The following GRIA1 variants were observed in gnomAD, a reference collection of about 807,000 sequenced individuals.
The protein encoded by GRIA1 is glutamate receptor 1.
In GRIA1, 31 loss-of-function variants were observed where a neutral mutation model predicts 99.2. The ratio of observed to expected loss-of-function variants is 0.31; its 90% CI spans 0.23 to 0.42. The LOEUF is 0.42. Among genes scored for constraint, GRIA1 ranks in the 10% least tolerant of loss-of-function variants. GRIA1 has a pLI of 1.00. For synonymous variants in GRIA1, 438 were observed against 432.4 expected, an observed-to-expected ratio of 1.01 and a Z score of -0.16; for missense variants, 782 against 1,157.5, an observed-to-expected ratio of 0.68 and a Z score of 4.71.
At chr5:153,711,324 C>T (rs1759304398) in intron 11 of GRIA1, among the ~76,000 whole-genome samples, 2 of 152,130 alleles carry the variant, frequency 1.3e-5, no homozygotes, top group Non-Finnish European at 2.9e-5. Context: ...CTCTCATAGC[C>T]ATCCTGAGGA....
intron 11 of GRIA1, among the ~76,000 whole-genome samples, chr5:153,747,241 G>A (rs1036894765): frequency 9.2e-5 from 14 of 152,154 alleles, no homozygotes; most frequent in East Asian, 3.9e-4. Flanking sequence ...GAGGAGCAGC[G>A]TGTCACATGG....
chr5:153,528,418 G>A (rs943176040), intron 2 of GRIA1, among the ~76,000 whole-genome samples: 35 of 152,198 alleles, frequency 2.3e-4, no homozygotes, highest in African/African-American at 8.4e-4. Flanking sequence ...TCACTTTTAA[G>A]GGTACAGGCT....
chr5:153,505,163 C>T (rs1755375068), intron 2 of GRIA1, among the ~76,000 whole-genome samples: 1 of 152,174 alleles, frequency 6.6e-6, no homozygotes, highest in South Asian at 2.1e-4. Flanking sequence ...CATGGATTTA[C>T]AGGGGACTGA....
chr5:153,678,759 G>A (rs540226214), intron 7 of GRIA1, among the ~76,000 whole-genome samples: 2 of 152,328 alleles, frequency 1.3e-5, no homozygotes, highest in East Asian at 3.9e-4. Context: ...CCATGACAGT[G>A]ATGAAGCCTG....
chr5:153,770,937 C>A (rs895677806), intron 13 of GRIA1, among the ~76,000 whole-genome samples: 1 of 152,178 alleles, frequency 6.6e-6, no homozygotes. Flanking sequence ...AATTATAGCA[C>A]CTATTCTTAC....
rs761151201 is a variant in GRIA1 at position 153,746,406 on chromosome 5, C to T, written c.1824-18028C>T. Among the ~76,000 whole-genome samples, 10 of 152,092 alleles carry T rather than the reference C, an allele frequency of 6.6e-5. No homozygotes were observed. In the East Asian group the frequency reaches 9.6e-4, roughly 15 times the overall value. ...TGTGCCTTGTGCTGGAGTTAACAAA[C>T]GTTAATTAAAGCAGAAGTGCATATT... On this transcript the variant is annotated intron_variant, in intron 11 of 15. Transcript: ENST00000285900.
At chr5:153,566,607 C>T (rs1392864689) in intron 2 of GRIA1, among the ~76,000 whole-genome samples, 1 of 149,994 alleles carries the variant, frequency 6.7e-6, no homozygotes, top group Non-Finnish European at 1.5e-5. Flanking sequence ...TGCCCAGCCT[C>T]TTGTCCATTT....
At chr5:153,537,312 C>G (rs1159404895) in intron 2 of GRIA1, among the ~76,000 whole-genome samples, 1 of 152,206 alleles carries the variant, frequency 6.6e-6, no homozygotes, top group Non-Finnish European at 1.5e-5. Context: ...AGACCAGACC[C>G]TGCACATCAA....
intron 7 of GRIA1, among the ~76,000 whole-genome samples, chr5:153,683,941 C>T (rs1397120667): frequency 6.6e-6 from 1 of 152,168 alleles, no homozygotes; most frequent in Non-Finnish European, 1.5e-5. Flanking sequence ...GCAGCAATAG[C>T]AGAAAGCAGG....
chr5:153,682,367 T>C (rs1561763055), intron 7 of GRIA1, among the ~76,000 whole-genome samples: 1 of 152,206 alleles, frequency 6.6e-6, no homozygotes, highest in Non-Finnish European at 1.5e-5. Context: ...GCAGTCACTG[T>C]TGACACCTGA....
chr5:153,768,391 A>G (rs948167219), intron 12 of GRIA1, among the ~76,000 whole-genome samples: 1 of 152,136 alleles, frequency 6.6e-6, no homozygotes, highest in Admixed American at 6.5e-5. Flanking sequence ...AGGCCCAAAG[A>G]GAAGGGACTC....
At chr5:153,645,822 T>C (rs533090148) in intron 2 of GRIA1, among the ~76,000 whole-genome samples, 172 of 152,246 alleles carry the variant, frequency 1.1e-3, no homozygotes, top group Non-Finnish European at 2.2e-3. Context: ...AAAATAATAA[T>C]ACCTAAGTCA....
intron 11 of GRIA1, among the ~76,000 whole-genome samples, chr5:153,709,585 CAG>C (rs1391587067): frequency 6.6e-6 from 1 of 152,128 alleles, no homozygotes; most frequent in Non-Finnish European, 1.5e-5. Context: ...AAAGTGGTAG[CAG>C]GTAGTGGCTT....
At chr5:153,778,419 A>G (rs1764412407) in intron 13 of GRIA1, among the ~76,000 whole-genome samples, 1 of 152,032 alleles carries the variant, frequency 6.6e-6, no homozygotes, top group African/African-American at 2.4e-5. Flanking sequence ...TGTTAATATT[A>G]TTGAACACTG....
At chr5:153,722,617 C>T (rs1456099915) in intron 11 of GRIA1, among the ~76,000 whole-genome samples, 1 of 152,202 alleles carries the variant, frequency 6.6e-6, no homozygotes, top group Non-Finnish European at 1.5e-5. Flanking sequence ...TTACCAAATA[C>T]ATGCAGGTCT....
intron 2 of GRIA1, among the ~76,000 whole-genome samples, chr5:153,507,209 A>G (rs1159413844): frequency 6.6e-6 from 1 of 152,164 alleles, no homozygotes; most frequent in Admixed American, 6.5e-5. Context: ...AGAATTTCTC[A>G]TCAGCAAATC....
chr5:153,638,003 C>G (rs1004427267), intron 2 of GRIA1, among the ~76,000 whole-genome samples: 1 of 152,158 alleles, frequency 6.6e-6, no homozygotes, highest in Non-Finnish European at 1.5e-5. Flanking sequence ...CAAAAAGTTA[C>G]TTGATAATAT....
At chr5:153,601,349 C>T (rs535999428) in intron 2 of GRIA1, among the ~76,000 whole-genome samples, 1 of 152,130 alleles carries the variant, frequency 6.6e-6, no homozygotes, top group African/African-American at 2.4e-5. Flanking sequence ...TTCTTATTTC[C>T]AGAAAAGTGC....
chr5:153,582,462 T>C (rs1186512231), intron 2 of GRIA1, among the ~76,000 whole-genome samples: 1 of 152,154 alleles, frequency 6.6e-6, no homozygotes. Context: ...TTCCTTTTAA[T>C]TAGCTTAGTT....
Sources: gnomAD v4.1 joint callset for allele counts (sites outside exome capture counted in the v4.1 genomes callset) on GRCh38, gnomAD v4.1.1 for gene constraint, MANE v1.5 for transcripts, NCBI Gene and HGNC (gene_info 2026-07-23, HGNC 2026-07-21) for gene names.